Variants in PUS7 observed in about 807,000 individuals in gnomAD.
PUS7 encodes the protein pseudouridine synthase 7.
Under a neutral mutation model 79.8 loss-of-function variants are expected in PUS7, and 48 were observed. The observed-to-expected ratio is 0.60, with a 90% confidence interval of 0.48 to 0.76. The LOEUF (loss-of-function observed/expected upper bound fraction) is 0.76, where lower values mean the gene tolerates loss of function less well. Ranked by LOEUF, PUS7 falls within the 30% of genes least tolerant of loss-of-function variation. PUS7 has a pLI of 0.00. For synonymous variants in PUS7, 286 were observed against 272.2 expected (o/e 1.05, Z -0.50); for missense variants, 729 against 797.6 (o/e 0.91, Z 1.04).
intron 1 of PUS7, among the ~76,000 whole-genome samples, chr7:105,510,484 T>C (rs2133266408): frequency 6.6e-6 from 1 of 152,246 alleles, no homozygotes; most frequent in Non-Finnish European, 1.5e-5. Flanking sequence ...CACTTAACTC[T>C]ACTGAACTGT....
chr7:105,482,361 G>C lies in PUS7; in HGVS notation c.1000C>G (p.Pro334Ala), dbSNP rs1315625966. ...KLGNFSYQKNPLKLGELQGNH... is the reference protein window; with the variant it reads ...KLGNFSYQKNALKLGELQGNH... ...CCTTGAAGCTCTCCCAATTTCAGTG[G>C]GTTTTTTTGATAGCTGAAATTCCCT... Residue 334 changes from proline (P) to alanine (A), a missense_variant, in exon 8 of 16, where the codon CCA (proline) becomes GCA (alanine). Transcript: ENST00000469408. The C allele has an allele frequency of 3.1e-6, 5 of 1,613,006 alleles. No individual in the cohort carries two copies. In the Middle Eastern group the frequency reaches 6.6e-4, roughly 213 times the overall value.
rs745720337 is a variant in PUS7, at chr7:105,502,405, C to CT, written c.730+14dup. The CT allele has an allele frequency of 1.9e-6, 3 of 1,613,722 alleles. No homozygotes were observed. Among genetic ancestry groups the CT allele is most frequent in the Non-Finnish European group, 2.5e-6 (3 of 1,179,768 alleles). On this transcript the variant is annotated intron_variant, in intron 5 of 15. Transcript: ENST00000469408. ...ACGGCTGCCTGGCAGGAGGAAGCTG[C>CT]TCACAGACACCTACTTGCCAAAGCC...
Position 105,479,157 on chromosome 7 carries a change from A to G in PUS7, c.1175+1895T>C, listed in dbSNP as rs1347175581. 2.6e-5 allele frequency among the ~76,000 whole-genome samples: 4 copies of G among 152,228 alleles called. No individual in the cohort carries two copies. The East Asian group carries it at 7.7e-4, about 29-fold the overall frequency. On this transcript the variant is annotated intron_variant, in intron 9 of 15. Coordinates refer to ENST00000469408, the MANE Select transcript of PUS7 (RefSeq NM_019042.5). Reference sequence around the variant, plus strand: ...AACATCATCTCACTTCATTTTCACCATTCTGTGAATTGGTATTATTATCTC... The same window carrying G: ...AACATCATCTCACTTCATTTTCACCGTTCTGTGAATTGGTATTATTATCTC...
chr7:105,521,582 G>A (rs970239454), intron 1 of PUS7, among the ~76,000 whole-genome samples: 1 of 152,244 alleles, frequency 6.6e-6, no homozygotes, highest in African/African-American at 2.4e-5. Flanking sequence ...GCAGGACACA[G>A]GGGTGGAACA....
intron 7 of PUS7, among the ~76,000 whole-genome samples, chr7:105,485,839 A>G (rs1423074551): frequency 6.6e-6 from 1 of 152,128 alleles, no homozygotes; most frequent in African/African-American, 2.4e-5. Context: ...TCTGTCGCCC[A>G]GGTTGGAGTG....
chr7:105,515,395 T>C (rs573504995), intron 1 of PUS7, among the ~76,000 whole-genome samples: 49 of 152,308 alleles, frequency 3.2e-4, no homozygotes, highest in Non-Finnish European at 6.6e-4. Flanking sequence ...AGGTGGGACA[T>C]CCTCAAACTT....
At chr7:105,499,358 A>T (rs1825158952) in intron 5 of PUS7, among the ~76,000 whole-genome samples, 1 of 152,110 alleles carries the variant, frequency 6.6e-6, no homozygotes, top group Admixed American at 6.5e-5. Context: ...GTCTCTATGG[A>T]TTCCTACATA....
At position 105,508,110 on chromosome 7, in the gene PUS7, T is replaced by C. The variant is rs1825544209; in HGVS notation, c.398+5A>G. 20 of 1,606,324 alleles carry C rather than the reference T, an allele frequency of 1.2e-5. No individual in the cohort carries two copies. Among genetic ancestry groups the C allele is most frequent in the Non-Finnish European group, 1.7e-5 (20 of 1,176,120 alleles). On this transcript the variant is annotated splice_donor_5th_base_variant and intron_variant, in intron 2 of 15. Coordinates refer to ENST00000469408, the MANE Select transcript of PUS7 (RefSeq NM_019042.5). ...AAAATAACTTTATTCATAAACTAAA[T>C]GTACCTTTCTTTTAAGATTCCCGAG...
In PUS7 at chr7:105,508,143, GA is replaced by G. The variant is rs766468467; in HGVS notation, c.369del (p.Gln124LysfsTer7). The G allele has an allele frequency of 1.9e-6, 3 of 1,613,982 alleles. No individual in the cohort carries two copies. The highest frequency in any genetic ancestry group is 2.5e-6 in the Non-Finnish European group (3 of 1,179,932). On this transcript the variant is annotated frameshift_variant, in exon 2 of 16. Coordinates refer to ENST00000469408, the MANE Select transcript of PUS7 (RefSeq NM_019042.5). LOFTEE classifies it high-confidence loss of function. ...TCTTTTAAGATTCCCGAGAACCCTT[GA>G]TGAGAACTCACAAACTTGGTGATGC... ...DVGITKFVSS[H>X]QGFSGILKER...
In PUS7 at chr7:105,521,826, G is replaced by A. The variant is rs559534582; in HGVS notation, c.-33+226C>T. On this transcript the variant is annotated intron_variant, in intron 1 of 15. Transcript: ENST00000469408. ...AGAGCGGAGCGGGGAGCGGGGAGCG[G>A]AGAGCGGCGCCTGCACCGCCGAAGC... Among the ~76,000 whole-genome samples, 233 of 151,712 alleles carry A rather than the reference G, an allele frequency of 1.5e-3. 1 individual carries two copies. Among genetic ancestry groups the A allele is most frequent in the African/African-American group, 5.5e-3 (227 of 41,374 alleles).
At chr7:105,461,915 T>C (rs535058069) in intron 14 of PUS7, among the ~76,000 whole-genome samples, 1 of 152,148 alleles carries the variant, frequency 6.6e-6, no homozygotes, top group Non-Finnish European at 1.5e-5. Context: ...TGGTGGCTCA[T>C]GCCCGTAATC....
chr7:105,481,160 T>A lies in PUS7; in HGVS notation c.1067A>T (p.Asp356Val). ...TVVLRNITGT[D>V]DQVQQAMNSL... ...GTTCATAGCTTGCTGTACTTGGTCA[T>A]CAGTTCCTGTTATATTTCTACAGGG... The change falls in exon 9 of 16, where the codon GAT (aspartate) becomes GTT (valine). Residue 356 changes from aspartate (D) to valine (V), a missense_variant. Physicochemically the swap from Asp to Val is radical, Grantham distance 152 (BLOSUM62 -3). Coordinates refer to ENST00000469408, the MANE Select transcript of PUS7 (RefSeq NM_019042.5). The A allele has an allele frequency of 1.2e-6, 2 of 1,609,512 alleles. No individual in the cohort carries two copies. The highest frequency in any genetic ancestry group is 1.7e-6 in the Non-Finnish European group (2 of 1,178,168).
chr7:105,477,183 T>C (rs1291192510), intron 9 of PUS7, among the ~76,000 whole-genome samples: 1 of 152,234 alleles, frequency 6.6e-6, no homozygotes, highest in African/African-American at 2.4e-5. Context: ...CCCCATGTTT[T>C]CTTCTAAGAG....
intron 5 of PUS7, among the ~76,000 whole-genome samples, chr7:105,501,107 T>C (rs1185944063): frequency 6.6e-6 from 1 of 152,214 alleles, no homozygotes; most frequent in African/African-American, 2.4e-5. Flanking sequence ...AGCGAAGCTT[T>C]CCTCCTGTTC....
At chr7:105,521,813 G>A (rs1041316108) in intron 1 of PUS7, among the ~76,000 whole-genome samples, 1 of 150,258 alleles carries the variant, frequency 6.7e-6, no homozygotes, top group African/African-American at 2.4e-5. Flanking sequence ...AGCGGAGCGG[G>A]GAGCGGGGAG....
At chr7:105,486,644 C>A (rs1055576297) in intron 7 of PUS7, among the ~76,000 whole-genome samples, 1 of 152,168 alleles carries the variant, frequency 6.6e-6, no homozygotes, top group African/African-American at 2.4e-5. Context: ...ACTGACAGAA[C>A]AATTCAGGGT....
intron 1 of PUS7, among the ~76,000 whole-genome samples, chr7:105,511,590 C>T (rs1052998443): frequency 1.3e-5 from 2 of 150,088 alleles, no homozygotes; most frequent in South Asian, 4.3e-4. Flanking sequence ...GGTGAAACCC[C>T]TCTCTAGTAA....
chr7:105,496,238 G>T (rs1825026138), intron 5 of PUS7, among the ~76,000 whole-genome samples: 1 of 37,012 alleles, frequency 2.7e-5, no homozygotes, highest in East Asian at 9.4e-4. Context: ...GAGAGAGAGA[G>T]AGAGAGAGAG....
chr7:105,493,263 T>A (rs1562806537), intron 6 of PUS7, among the ~76,000 whole-genome samples: 1 of 152,214 alleles, frequency 6.6e-6, no homozygotes, highest in Non-Finnish European at 1.5e-5. Flanking sequence ...ATGAAGATAA[T>A]AAGTAACCTA....
Sources: gnomAD v4.1 joint callset for allele counts (sites outside exome capture counted in the v4.1 genomes callset) on GRCh38, gnomAD v4.1.1 for gene constraint, MANE v1.5 for transcripts, NCBI Gene and HGNC (gene_info 2026-07-23, HGNC 2026-07-21) for gene names.